The following NRXN1 variants were observed in gnomAD, a reference collection of about 807,000 sequenced individuals.
NRXN1 encodes the protein neurexin 1, also known as neurexin-1.
Under a neutral mutation model 150.9 loss-of-function variants are expected in NRXN1, and 39 were observed. That is an observed-to-expected ratio of 0.26 (90% CI 0.20 to 0.34). The LOEUF (loss-of-function observed/expected upper bound fraction) is 0.34, where lower values mean the gene tolerates loss of function less well. Ranked by LOEUF, NRXN1 falls within the 10% of genes least tolerant of loss-of-function variation. The pLI is 1.00. For missense variants in NRXN1, 1,815 were observed against 1,949.9 expected (o/e 0.93, Z 1.30); for synonymous variants, 924 against 757.0 (o/e 1.22, Z -3.62).
chr2:50,314,940 T>A (rs1296398044), intron 17 of NRXN1, among the ~76,000 whole-genome samples: 1 of 152,062 alleles, frequency 6.6e-6, no homozygotes, highest in Non-Finnish European at 1.5e-5. Flanking sequence ...TTTCCCAACT[T>A]ACCCAGCTTT....
At chr2:50,241,704 T>C (rs919071195) in intron 17 of NRXN1, among the ~76,000 whole-genome samples, 1 of 151,856 alleles carries the variant, frequency 6.6e-6, no homozygotes, top group Non-Finnish European at 1.5e-5. Context: ...ATCTCTTGTT[T>C]AAACTGCCTG....
Position 50,883,547 on chromosome 2 carries a change from G to A in NRXN1, c.832+38322C>T, listed in dbSNP as rs374216115. Among the ~76,000 whole-genome samples the A allele has an allele frequency of 1.0e-3, 151 of 151,566 alleles. 1 individual carries two copies. The highest frequency in any genetic ancestry group is 3.4e-3 in the African/African-American group (142 of 41,400). On this transcript the variant is annotated intron_variant, in intron 5 of 22. Transcript: ENST00000401669. ...AATAATGTAAAATTTGAATTGCTCA[G>A]CAACACTAATACTACACAGAATCAA...
At chr2:50,156,974 C>A (rs368513630) in intron 18 of NRXN1, among the ~76,000 whole-genome samples, 1 of 151,952 alleles carries the variant, frequency 6.6e-6, no homozygotes, top group Admixed American at 6.6e-5. Flanking sequence ...TCTATTATGT[C>A]CCTGGGGCTG....
At chr2:50,461,216 C>T (rs2088172239) in intron 17 of NRXN1, among the ~76,000 whole-genome samples, 1 of 151,846 alleles carries the variant, frequency 6.6e-6, no homozygotes, top group African/African-American at 2.4e-5. Flanking sequence ...ATGAAAGATA[C>T]AATAAATTCC....
intron 5 of NRXN1, among the ~76,000 whole-genome samples, chr2:50,831,939 G>C (rs138270363): frequency 6.6e-6 from 1 of 152,150 alleles, no homozygotes; most frequent in Non-Finnish European, 1.5e-5. Flanking sequence ...TTGAGTAGCA[G>C]TGGCGGGCAA....
At chr2:50,701,481 T>C (rs1158590752) in intron 5 of NRXN1, among the ~76,000 whole-genome samples, 1 of 152,182 alleles carries the variant, frequency 6.6e-6, no homozygotes, top group Non-Finnish European at 1.5e-5. Flanking sequence ...ATTAAACCTT[T>C]TGCCTACATA....
intron 8 of NRXN1, among the ~76,000 whole-genome samples, chr2:50,569,664 A>G (rs1670372220): frequency 6.6e-6 from 1 of 152,094 alleles, no homozygotes. Flanking sequence ...CAGGCCAAAT[A>G]CAGAAACTAG....
rs368743289 is a variant in NRXN1 at position 50,656,111 on chromosome 2, C to T, written c.833-32496G>A. On this transcript the variant is annotated intron_variant, in intron 5 of 22. Coordinates refer to ENST00000401669, the MANE Select transcript of NRXN1 (RefSeq NM_001330078.2). The stretch of plus-strand genomic sequence containing the variant: ...TGCTGCCACCCTGGTCTGAGTTACC[C>T]GCATTTTCTGGGACTTCTGAAATAA... Among the ~76,000 whole-genome samples, 46 of 152,006 alleles carry T rather than the reference C, an allele frequency of 3.0e-4. 1 individual carries two copies. Among genetic ancestry groups the T allele is most frequent in the African/African-American group, 1.0e-3 (43 of 41,494 alleles).
intron 17 of NRXN1, among the ~76,000 whole-genome samples, chr2:50,297,901 G>A (rs1481897622): frequency 6.6e-6 from 1 of 152,084 alleles, no homozygotes. Flanking sequence ...GGTGACCTGA[G>A]CAAAGGATTA....
intron 22 of NRXN1, among the ~76,000 whole-genome samples, chr2:49,942,547 G>C (rs1672167379): frequency 6.6e-6 from 1 of 151,758 alleles, no homozygotes; most frequent in African/African-American, 2.4e-5. Flanking sequence ...AGCAGATAGT[G>C]GTTAGTCCAT....
In NRXN1 at chr2:49,921,834, CCT is replaced by C. The variant is rs1572854380; in HGVS notation, c.*108_*109del. On this transcript the variant is annotated 3_prime_UTR_variant, in exon 23 of 23. Coordinates refer to ENST00000401669, the MANE Select transcript of NRXN1 (RefSeq NM_001330078.2). Reference sequence around the variant, plus strand: ...AAGTCTTTCCTTCCTGATTGCATTCCCTGTCTTCTTTTGTATGTGCTTCATAA... The same window carrying C: ...AAGTCTTTCCTTCCTGATTGCATTCCGTCTTCTTTTGTATGTGCTTCATAA... The C allele has an allele frequency of 2.4e-5, 25 of 1,055,968 alleles. 1 individual carries two copies. The East Asian group carries it at 5.6e-4, about 24-fold the overall frequency. The allele number at this position is 1,055,968 out of a possible 1,614,324, so 65.4% of individuals were successfully genotyped here. A position where few individuals can be genotyped will look rare whatever the true frequency, so the allele number is the denominator to read the frequency against.
intron 17 of NRXN1, among the ~76,000 whole-genome samples, chr2:50,267,017 A>C (rs1574837466): frequency 1.3e-5 from 2 of 152,336 alleles, no homozygotes; most frequent in East Asian, 3.9e-4. Context: ...CCTTATGATC[A>C]TGCCTCAGAA....
At chr2:50,400,267 T>A (rs1050672090) in intron 17 of NRXN1, among the ~76,000 whole-genome samples, 1 of 152,112 alleles carries the variant, frequency 6.6e-6, no homozygotes, top group African/African-American at 2.4e-5. Flanking sequence ...ATGTGTAAGA[T>A]TTTCCACATT....
intron 19 of NRXN1, among the ~76,000 whole-genome samples, chr2:50,084,897 A>T (rs1361384158): frequency 6.6e-6 from 1 of 152,252 alleles, no homozygotes; most frequent in Non-Finnish European, 1.5e-5. Context: ...AGCTAAGCTT[A>T]GAATTTTAGG....
At chr2:50,569,209 T>C (rs1021283579) in intron 8 of NRXN1, among the ~76,000 whole-genome samples, 1 of 152,078 alleles carries the variant, frequency 6.6e-6, no homozygotes, top group African/African-American at 2.4e-5. Flanking sequence ...ACAGAATGAA[T>C]AAGTTCTAGT....
intron 5 of NRXN1, among the ~76,000 whole-genome samples, chr2:50,682,508 G>A (rs767113975): frequency 1.3e-5 from 2 of 152,124 alleles, no homozygotes; most frequent in Non-Finnish European, 2.9e-5. Context: ...TAGGAGCATC[G>A]TGACTTGGTT....
chr2:50,410,970 G>A (rs998505455), intron 17 of NRXN1, among the ~76,000 whole-genome samples: 4 of 152,284 alleles, frequency 2.6e-5, no homozygotes, highest in Non-Finnish European at 4.4e-5. Context: ...AAACATTTGC[G>A]TGTTTCCTTT....
intron 5 of NRXN1, among the ~76,000 whole-genome samples, chr2:50,744,407 A>G (rs1433775878): frequency 6.6e-6 from 1 of 152,134 alleles, no homozygotes; most frequent in African/African-American, 2.4e-5. Context: ...TTTCTCTCTA[A>G]TGATAAGAAT....
intron 5 of NRXN1, among the ~76,000 whole-genome samples, chr2:50,657,983 GTCTT>G (rs1490711291): frequency 6.6e-6 from 1 of 151,978 alleles, no homozygotes; most frequent in African/African-American, 2.4e-5. Context: ...GTAGACAGAA[GTCTT>G]TCTTTCCACC....
Sources: allele counts gnomAD v4.1 joint callset (sites outside exome capture counted in the v4.1 genomes callset), GRCh38; gene constraint gnomAD v4.1.1; transcripts MANE v1.5; gene names NCBI Gene and HGNC (gene_info 2026-07-23, HGNC 2026-07-21).